GRM7: variants seen among roughly 807,000 people sequenced by gnomAD.
GRM7 encodes the protein glutamate metabotropic receptor 7.
In GRM7, 35 loss-of-function variants were observed where a neutral mutation model predicts 84.5. The observed-to-expected ratio is 0.41, with a 90% CI of 0.32 to 0.55. The LOEUF is 0.55. Among genes scored for constraint, GRM7 ranks in the 20% least tolerant of loss-of-function variants. The probability of loss-of-function intolerance (pLI) is 0.19; values close to 1 mark genes in which losing one functional copy is unlikely to be tolerated. For missense variants in GRM7, 1,003 were observed against 1,194.6 expected (o/e 0.84, Z 2.36); for synonymous variants, 487 against 455.1 (o/e 1.07, Z -0.89).
intron 8 of GRM7, among the ~76,000 whole-genome samples, chr3:7,660,711 G>A (rs188092033): frequency 6.6e-6 from 1 of 152,064 alleles, no homozygotes; most frequent in East Asian, 1.9e-4. Flanking sequence ...AAAATGGAAG[G>A]CTAATATAAT....
chr3:7,104,292 G>T (rs1054766240), intron 1 of GRM7, among the ~76,000 whole-genome samples: 14 of 151,404 alleles, frequency 9.2e-5, no homozygotes, highest in Non-Finnish European at 1.3e-4. Context: ...GTTGACCTCT[G>T]CACACCAAGC....
chr3:7,729,260 G>A (rs1436996601), intron 9 of GRM7, among the ~76,000 whole-genome samples: 1 of 152,086 alleles, frequency 6.6e-6, no homozygotes, highest in Non-Finnish European at 1.5e-5. Context: ...TTGCAGCTGA[G>A]GTCAAAAAGG....
chr3:7,132,438 A>G (rs1693632378), intron 1 of GRM7, among the ~76,000 whole-genome samples: 1 of 152,188 alleles, frequency 6.6e-6, no homozygotes, highest in South Asian at 2.1e-4. Flanking sequence ...AAATTTTAAA[A>G]AGAAAAAAAG....
chr3:7,619,912 C>A (rs936196094), intron 8 of GRM7, among the ~76,000 whole-genome samples: 5 of 152,134 alleles, frequency 3.3e-5, no homozygotes, highest in African/African-American at 1.2e-4. Flanking sequence ...TGGCAAAATA[C>A]TTCTGCAGTC....
intron 1 of GRM7, among the ~76,000 whole-genome samples, chr3:7,013,169 A>C (rs1695441963): frequency 6.6e-6 from 1 of 152,140 alleles, no homozygotes; most frequent in African/African-American, 2.4e-5. Flanking sequence ...AAGAAAAAGA[A>C]ACTTAAATAA....
intron 8 of GRM7, among the ~76,000 whole-genome samples, chr3:7,661,794 CAAAAAAA>C (rs71043686): frequency 0.02 from 564 of 28,196 alleles, 14 homozygotes; most frequent in South Asian, 0.2. Context: ...GTCTCCGTCT[CAAAAAAA>C]AAAAAAAAAA....
intron 5 of GRM7, among the ~76,000 whole-genome samples, chr3:7,433,553 T>C (rs1344668360): frequency 6.6e-6 from 1 of 152,214 alleles, no homozygotes; most frequent in Non-Finnish European, 1.5e-5. Flanking sequence ...TCGCCTTACT[T>C]TGTTTCAGTA....
At chr3:7,698,989 T>A (rs1248360743) in intron 9 of GRM7, among the ~76,000 whole-genome samples, 1 of 152,120 alleles carries the variant, frequency 6.6e-6, no homozygotes, top group African/African-American at 2.4e-5. Flanking sequence ...GGGCGGGAAG[T>A]ATTGTCAGAG....
intron 1 of GRM7, among the ~76,000 whole-genome samples, chr3:6,978,338 A>G (rs1694075485): frequency 6.6e-6 from 1 of 152,034 alleles, no homozygotes; most frequent in African/African-American, 2.4e-5. Flanking sequence ...TGCCCCCAAC[A>G]CCTTGATTAT....
chr3:7,391,525 C>T (rs1694993741), intron 4 of GRM7, among the ~76,000 whole-genome samples: 2 of 151,914 alleles, frequency 1.3e-5, no homozygotes, highest in African/African-American at 2.4e-5. Flanking sequence ...CACTTGGACA[C>T]AGGGTGGAGA....
chr3:7,375,442 A>T (rs1457622453), intron 4 of GRM7, among the ~76,000 whole-genome samples: 4 of 151,528 alleles, frequency 2.6e-5, no homozygotes, highest in Non-Finnish European at 1.5e-5. Context: ...CTGGTCTCGA[A>T]CTCCTGACCT....
intron 4 of GRM7, among the ~76,000 whole-genome samples, chr3:7,378,007 C>A (rs1160306927): frequency 6.6e-6 from 1 of 152,136 alleles, no homozygotes; most frequent in Non-Finnish European, 1.5e-5. Context: ...CAACATCTGT[C>A]CCCCGCTAGG....
chr3:7,477,306 T>C (rs915166530), intron 7 of GRM7, among the ~76,000 whole-genome samples: 3 of 152,222 alleles, frequency 2.0e-5, no homozygotes, highest in Non-Finnish European at 4.4e-5. Flanking sequence ...TACCAAAGTC[T>C]TACTAGATCT....
chr3:7,731,796 ATGGC>A (rs1480983443), intron 9 of GRM7, among the ~76,000 whole-genome samples: 1 of 152,110 alleles, frequency 6.6e-6, no homozygotes, highest in Non-Finnish European at 1.5e-5. Flanking sequence ...TCTGACACTC[ATGGC>A]TCCCCGTGGA....
intron 2 of GRM7, among the ~76,000 whole-genome samples, chr3:7,147,013 C>T (rs987747322): frequency 6.6e-6 from 1 of 152,172 alleles, no homozygotes; most frequent in African/African-American, 2.4e-5. Context: ...GACTCTTCCT[C>T]TCTGCCTCTC....
At chr3:6,958,348 T>C (rs1194254721) in intron 1 of GRM7, among the ~76,000 whole-genome samples, 2 of 152,176 alleles carry the variant, frequency 1.3e-5, no homozygotes, top group Non-Finnish European at 2.9e-5. Context: ...GGTTGACTAA[T>C]TGATAAATTA....
intron 1 of GRM7, among the ~76,000 whole-genome samples, chr3:6,971,866 T>A (rs1311510204): frequency 1.3e-5 from 2 of 152,206 alleles, no homozygotes; most frequent in Non-Finnish European, 2.9e-5. Context: ...TCATGGTTGT[T>A]TTATTAAAAC....
chr3:6,958,990 A>G (rs1030446039), intron 1 of GRM7, among the ~76,000 whole-genome samples: 7 of 152,228 alleles, frequency 4.6e-5, no homozygotes, highest in Non-Finnish European at 7.3e-5. Context: ...CTTTAAGGCC[A>G]TGATGTCCAG....
intron 7 of GRM7, among the ~76,000 whole-genome samples, chr3:7,473,489 G>GGAGAGAGAGAGAGAGAGAGAGAGAGAGA (rs372898836): frequency 9.5e-5 from 12 of 126,500 alleles, no homozygotes; most frequent in African/African-American, 1.5e-4. Flanking sequence ...AAAACGAGAG[G>GGAGAGAGAGAGAGAGAGAGAGAGAGAGA]GAGAGAGAGA....
Sources: allele counts gnomAD v4.1 joint callset (sites outside exome capture counted in the v4.1 genomes callset), GRCh38; gene constraint gnomAD v4.1.1; transcripts MANE v1.5; gene names NCBI Gene and HGNC (gene_info 2026-07-23, HGNC 2026-07-21).